Variants in FRMD5 observed in about 807,000 individuals in gnomAD.
FRMD5 encodes FERM domain containing 5.
FRMD5 carries 20 observed loss-of-function variants against 69.0 expected under a neutral mutation model. The observed-to-expected ratio is 0.29, with a 90% CI of 0.20 to 0.42. The LOEUF is 0.42. FRMD5 is among the 10% of genes least tolerant of loss of function. FRMD5 has a pLI of 1.00. For synonymous variants in FRMD5, 271 were observed against 260.1 expected, an observed-to-expected ratio of 1.04 and a Z score of -0.40; for missense variants, 595 against 708.6, an observed-to-expected ratio of 0.84 and a Z score of 1.82.
At chr15:44,123,409 G>C (rs540730911) in intron 1 of FRMD5, among the ~76,000 whole-genome samples, 1 of 151,636 alleles carries the variant, frequency 6.6e-6, no homozygotes, top group African/African-American at 2.4e-5. Context: ...TGATAGACAA[G>C]TTTATTTGGT....
chr15:43,909,769 A>G, intron 5 of FRMD5, 113 bp downstream of exon 5: 1 of 625,446 alleles, frequency 1.6e-6, no homozygotes, highest in Non-Finnish European at 2.8e-6. Flanking sequence ...CGTGAGCCAC[A>G]GCACCTGGCC....
chr15:43,910,565 C>T (rs1317545907), intron 4 of FRMD5, among the ~76,000 whole-genome samples: 2 of 115,814 alleles, frequency 1.7e-5, no homozygotes, highest in Non-Finnish European at 3.2e-5. Context: ...TCGGAGAGAC[C>T]TTGTCTCAAA....
chr15:43,879,615 G>A (rs2088467026), intron 13 of FRMD5: 1 of 398,976 alleles, frequency 2.5e-6, no homozygotes, highest in Non-Finnish European at 4.4e-6. Flanking sequence ...GCAGTGATTA[G>A]TCAGCCGGAG....
chr15:43,955,386 C>T (rs1056268634), intron 1 of FRMD5, among the ~76,000 whole-genome samples: 1 of 152,220 alleles, frequency 6.6e-6, no homozygotes, highest in South Asian at 2.1e-4. Context: ...GGCAAGTCAC[C>T]TGCTCTCTCA....
intron 1 of FRMD5, among the ~76,000 whole-genome samples, chr15:44,040,370 C>G (rs549843555): frequency 2.6e-5 from 4 of 152,210 alleles, no homozygotes; most frequent in African/African-American, 9.6e-5. Flanking sequence ...TAGTCAGATT[C>G]ACCAGGGTTG....
chr15:43,913,995 T>C lies in FRMD5; in HGVS notation c.330-4016A>G, dbSNP rs546974710. On this transcript the variant is annotated intron_variant, in intron 4 of 13. Coordinates refer to ENST00000417257, the MANE Select transcript of FRMD5 (RefSeq NM_032892.5). ...TTTTTAAACTCTGCTGATCTCTTTC[T>C]GGCCTCAGAGGGGCTTTACCTCACC... 3.2e-4 allele frequency among the ~76,000 whole-genome samples: 49 copies of C among 152,362 alleles called. 1 individual carries two copies. In the South Asian group the frequency reaches 5.0e-3, roughly 15 times the overall value.
intron 13 of FRMD5, among the ~76,000 whole-genome samples, chr15:43,880,488 A>C (rs528088727): frequency 2.6e-5 from 4 of 152,202 alleles, no homozygotes; most frequent in Non-Finnish European, 5.9e-5. Flanking sequence ...AAACTAACCC[A>C]TTCTTTACTT....
chr15:43,985,906 A>T (rs971283730), intron 1 of FRMD5, among the ~76,000 whole-genome samples: 1 of 152,232 alleles, frequency 6.6e-6, no homozygotes, highest in Admixed American at 6.5e-5. Context: ...CCAGAAAAAG[A>T]TCTGAATGTC....
intron 1 of FRMD5, among the ~76,000 whole-genome samples, chr15:44,185,627 T>C (rs777066007): frequency 1.3e-5 from 2 of 151,912 alleles, no homozygotes; most frequent in Non-Finnish European, 2.9e-5. Context: ...ACCCCTTCTG[T>C]ACTAAAAATA....
At chr15:44,082,954 T>C (rs1318383416) in intron 1 of FRMD5, among the ~76,000 whole-genome samples, 2 of 151,942 alleles carry the variant, frequency 1.3e-5, no homozygotes, top group Non-Finnish European at 2.9e-5. Context: ...ACTCCAACAA[T>C]GGTACCAAAG....
chr15:43,894,512 A>G (rs970734941), intron 7 of FRMD5, among the ~76,000 whole-genome samples: 1 of 152,122 alleles, frequency 6.6e-6, no homozygotes, highest in African/African-American at 2.4e-5. Context: ...GAGGGGAGGC[A>G]GAGGTGAGGC....
At chr15:43,902,938 G>A (rs1313975841) in intron 6 of FRMD5, among the ~76,000 whole-genome samples, 1 of 152,192 alleles carries the variant, frequency 6.6e-6, no homozygotes, top group Non-Finnish European at 1.5e-5. Context: ...AGGAAACACA[G>A]GAAATTAGGG....
chr15:43,989,004 T>C, intron 1 of FRMD5: 2 of 760,784 alleles, frequency 2.6e-6, no homozygotes, highest in Non-Finnish European at 2.3e-6. Flanking sequence ...CATCTTGTTT[T>C]CTGCGCAAGT....
At chr15:43,938,052 A>G (rs2089791764) in intron 1 of FRMD5, among the ~76,000 whole-genome samples, 1 of 152,144 alleles carries the variant, frequency 6.6e-6, no homozygotes, top group Non-Finnish European at 1.5e-5. Flanking sequence ...TAACACGGTG[A>G]AACTCTGTCT....
chr15:43,905,087 G>T (rs1425793911), intron 6 of FRMD5, among the ~76,000 whole-genome samples: 1 of 151,034 alleles, frequency 6.6e-6, no homozygotes, highest in Non-Finnish European at 1.5e-5. Flanking sequence ...CACTGTCACA[G>T]ACTAAGAGCA....
intron 1 of FRMD5, among the ~76,000 whole-genome samples, chr15:43,987,589 C>G (rs1056751541): frequency 6.6e-5 from 10 of 152,154 alleles, no homozygotes; most frequent in African/African-American, 2.4e-4. Flanking sequence ...GAGTCTTGCT[C>G]TGTCACCCAA....
chr15:44,197,911 C>A (rs1230175174), upstream of FRMD5, among the ~76,000 whole-genome samples: 1 of 152,112 alleles, frequency 6.6e-6, no homozygotes, highest in African/African-American at 2.4e-5. Flanking sequence ...CTCTAAGGAA[C>A]TGAATGCAGT....
At chr15:43,999,953 CATATATATAT>C (rs34872140) in intron 1 of FRMD5, among the ~76,000 whole-genome samples, 953 of 82,734 alleles carry the variant, frequency 0.012, 59 homozygotes, top group African/African-American at 0.058. Flanking sequence ...ATATGCCATG[CATATATATAT>C]ATATATATAT....
At position 43,988,244 on chromosome 15, in the gene FRMD5, A is replaced by C. The variant is rs920496225; in HGVS notation, c.103-63935T>G. Among the ~76,000 whole-genome samples, 4 of 152,184 alleles carry C rather than the reference A, an allele frequency of 2.6e-5. No individual in the cohort carries two copies. In the South Asian group the frequency reaches 8.3e-4, roughly 31 times the overall value. On this transcript the variant is annotated intron_variant, in intron 1 of 13. Transcript: ENST00000417257. ...CCCTGGACAGAAGATCAAACTAGCCACAACATTCCCTTAAGCCAAAACCTA... is the reference window on the plus strand; with the variant it reads ...CCCTGGACAGAAGATCAAACTAGCCCCAACATTCCCTTAAGCCAAAACCTA...
Sources: gnomAD v4.1 joint callset for allele counts (sites outside exome capture counted in the v4.1 genomes callset) on GRCh38, gnomAD v4.1.1 for gene constraint, MANE v1.5 for transcripts, NCBI Gene and HGNC (gene_info 2026-07-23, HGNC 2026-07-21) for gene names.